RNF214: variants seen among roughly 807,000 people sequenced by gnomAD.
RNF214 encodes ring finger protein 214.
A neutral mutation model predicts 75.9 loss-of-function variants in RNF214; 25 were observed. The observed-to-expected ratio is 0.33, with a 90% confidence interval of 0.24 to 0.46. RNF214 has a LOEUF of 0.46. Among genes scored for constraint, RNF214 ranks in the 20% least tolerant of loss-of-function variants. RNF214 has a pLI of 1.00. For missense variants in RNF214, 725 were observed against 857.5 expected (o/e 0.85, Z 1.93); for synonymous variants, 314 against 308.8 (o/e 1.02, Z -0.18).
chr11:117,248,109 T>A (rs1292505380), intron 6 of RNF214, among the ~76,000 whole-genome samples: 1 of 152,152 alleles, frequency 6.6e-6, no homozygotes, highest in Non-Finnish European at 1.5e-5. Context: ...GGAGTCTTGC[T>A]CTGTTCCCCA....
chr11:117,272,037 C>T (rs1302908462), intron 6 of RNF214, among the ~76,000 whole-genome samples: 3 of 152,144 alleles, frequency 2.0e-5, no homozygotes, highest in Non-Finnish European at 2.9e-5. Flanking sequence ...TAGTCTTGAA[C>T]TCCTGGGCTC....
At chr11:117,251,760 G>T (rs1330587795) in intron 6 of RNF214, among the ~76,000 whole-genome samples, 1 of 152,132 alleles carries the variant, frequency 6.6e-6, no homozygotes, top group Non-Finnish European at 1.5e-5. Context: ...GATCAGAAAG[G>T]CTTTTATACT....
chr11:117,272,977 T>C (rs1456841240), intron 6 of RNF214, among the ~76,000 whole-genome samples: 5 of 152,206 alleles, frequency 3.3e-5, no homozygotes, highest in African/African-American at 7.2e-5. Context: ...TTAATATTTA[T>C]GCATTAATTT....
intron 6 of RNF214, among the ~76,000 whole-genome samples, chr11:117,264,195 C>T (rs1352367687): frequency 3.9e-5 from 6 of 152,012 alleles, no homozygotes; most frequent in East Asian, 1.9e-4. Context: ...TGGTGGCGGG[C>T]GCCTGTGGTC....
In RNF214 at chr11:117,234,263, A is replaced by G. The variant is rs1448931317; in HGVS notation, c.-6-4A>G. The G allele has an allele frequency of 3.7e-6, 6 of 1,606,482 alleles. No individual in the cohort carries two copies. In the African/African-American group the frequency reaches 6.7e-5, roughly 18 times the overall value. On this transcript the variant is annotated splice_region_variant and splice_polypyrimidine_tract_variant and intron_variant, in intron 1 of 14. Coordinates refer to ENST00000300650, the MANE Select transcript of RNF214 (RefSeq NM_207343.4). ...TAGCCTGTAATTTGTTTCTGAATGT[A>G]CAGAGCATAATGGCAGCGTCTGAGG...
intron 6 of RNF214, among the ~76,000 whole-genome samples, chr11:117,256,527 C>G (rs933417368): frequency 1.3e-5 from 2 of 152,090 alleles, no homozygotes; most frequent in African/African-American, 2.4e-5. Flanking sequence ...CTGAGCTCAG[C>G]TGGAACATTG....
rs564692173 is a variant in RNF214, at chr11:117,250,389, C to T, written c.959+3441C>T. On this transcript the variant is annotated intron_variant, in intron 6 of 14. Coordinates refer to ENST00000300650, the MANE Select transcript of RNF214 (RefSeq NM_207343.4). ...TGTTATGTATTTTGGGTGTATAAACCCATGTTGTTGAAAAAAGTTTAAGAA... is the reference window on the plus strand; with the variant it reads ...TGTTATGTATTTTGGGTGTATAAACTCATGTTGTTGAAAAAAGTTTAAGAA... Among the ~76,000 whole-genome samples, 5 of 151,802 alleles carry T rather than the reference C, an allele frequency of 3.3e-5. No individual in the cohort carries two copies. In the South Asian group the frequency reaches 1.0e-3, roughly 32 times the overall value.
intron 6 of RNF214, among the ~76,000 whole-genome samples, chr11:117,259,349 T>G (rs1336600351): frequency 6.6e-6 from 1 of 152,252 alleles, no homozygotes; most frequent in African/African-American, 2.4e-5. Context: ...AGATTTTGAC[T>G]GTTAATGAAT....
intron 6 of RNF214, among the ~76,000 whole-genome samples, chr11:117,249,482 G>A (rs1447781534): frequency 6.6e-6 from 1 of 152,132 alleles, no homozygotes; most frequent in Non-Finnish European, 1.5e-5. Flanking sequence ...CAGGGGGAAT[G>A]TCTCTTGTAG....
intron 4 of RNF214, among the ~76,000 whole-genome samples, chr11:117,242,094 C>T (rs2033096596): frequency 6.6e-6 from 1 of 152,114 alleles, no homozygotes; most frequent in Non-Finnish European, 1.5e-5. Context: ...TTGAAGAGAA[C>T]GTCACACTTA....
chr11:117,248,327 C>T (rs1383875368), intron 6 of RNF214, among the ~76,000 whole-genome samples: 2 of 152,200 alleles, frequency 1.3e-5, no homozygotes, highest in South Asian at 2.1e-4. Context: ...CCGCCTGCCT[C>T]GGCCTCCCAA....
intron 6 of RNF214, among the ~76,000 whole-genome samples, chr11:117,254,581 T>A (rs537566307): frequency 6.6e-5 from 10 of 152,190 alleles, no homozygotes; most frequent in African/African-American, 2.4e-4. Context: ...TTTCCTGTAT[T>A]ACTCCAGTCC....
rs749069596 is a variant in RNF214 at position 117,281,874 on chromosome 11, C to A, written c.1336-20C>A. 1.9e-6 allele frequency: 3 copies of A among 1,608,946 alleles called. No individual in the cohort carries two copies. The highest frequency in any genetic ancestry group is 3.4e-5 in the Admixed American group (2 of 59,376). On this transcript the variant is annotated intron_variant, in intron 10 of 14. Transcript: ENST00000300650. ...TTTTTCTTCCTTTCTCTCTCGTCCT[C>A]TACCTCTTCTCCTCTGCAGACAGAC...
At position 117,234,336 on chromosome 11, in the gene RNF214, T is replaced by A. The variant is rs768560943; in HGVS notation, c.64T>A (p.Leu22Ile). The A allele has an allele frequency of 6.2e-7, 1 of 1,614,188 alleles. No homozygotes were observed. The highest frequency in any genetic ancestry group is 8.5e-7 in the Non-Finnish European group (1 of 1,180,018). Residue 22 changes from leucine (L) to isoleucine (I), a missense_variant, in exon 2 of 15, where the codon TTA becomes ATA. Physicochemically the swap from Leu to Ile is conservative, Grantham distance 5. Transcript: ENST00000300650. The part of the protein sequence containing the change: ...NAPSPPESSS[L>I]CASKSDEGLP... Reference sequence around the variant, plus strand: ...CCCCAGTCCTCCGGAATCTTCTAGTTTATGTGCTTCCAAATCAGACGAAGG... The same window carrying A: ...CCCCAGTCCTCCGGAATCTTCTAGTATATGTGCTTCCAAATCAGACGAAGG...
intron 4 of RNF214, among the ~76,000 whole-genome samples, chr11:117,241,739 A>T (rs1227689071): frequency 1.3e-5 from 2 of 152,186 alleles, no homozygotes; most frequent in African/African-American, 4.8e-5. Context: ...CAGGTGAAAC[A>T]TCCTCAGATG....
At chr11:117,250,221 A>G (rs2033335280) in intron 6 of RNF214, among the ~76,000 whole-genome samples, 1 of 152,192 alleles carries the variant, frequency 6.6e-6, no homozygotes, top group African/African-American at 2.4e-5. Context: ...TGAGTCCTGA[A>G]AAATAAGGGG....
intron 6 of RNF214, among the ~76,000 whole-genome samples, chr11:117,278,623 G>C (rs772640138): frequency 3.3e-5 from 5 of 152,152 alleles, no homozygotes; most frequent in East Asian, 1.9e-4. Context: ...CATGCTGAGT[G>C]GGGGGAAAAC....
At chr11:117,270,241 CTTTTTTTTTT>C (rs57144374) in intron 6 of RNF214, among the ~76,000 whole-genome samples, 4 of 75,850 alleles carry the variant, frequency 5.3e-5, no homozygotes, top group Admixed American at 1.4e-4. Flanking sequence ...CTTTTCTTTT[CTTTTTTTTTT>C]TTTTTTTTTT....
rs560300208 is a variant in RNF214, at chr11:117,270,052, G to A, written c.960-9856G>A. ...TGTTGTTTGGTGAGATTCCTAGGTG[G>A]GGGATCTTAAGACAGTTGCATTTCT... On this transcript the variant is annotated intron_variant, in intron 6 of 14. Coordinates refer to ENST00000300650, the MANE Select transcript of RNF214 (RefSeq NM_207343.4). 3.9e-5 allele frequency among the ~76,000 whole-genome samples: 6 copies of A among 152,072 alleles called. No homozygotes were observed. The East Asian group carries it at 1.2e-3, about 29-fold the overall frequency.
Sources: gnomAD v4.1 joint callset for allele counts (sites outside exome capture counted in the v4.1 genomes callset) on GRCh38, gnomAD v4.1.1 for gene constraint, MANE v1.5 for transcripts, NCBI Gene and HGNC (gene_info 2026-07-23, HGNC 2026-07-21) for gene names.